The following PHACTR2 variants were observed in gnomAD, a reference collection of about 807,000 sequenced individuals.
PHACTR2 encodes chromosome 6 open reading frame 56.
PHACTR2 carries 30 observed loss-of-function variants against 76.0 expected under a neutral mutation model. The observed-to-expected ratio is 0.39, with a 90% CI of 0.30 to 0.54. PHACTR2 has a LOEUF of 0.54. Ranked by LOEUF, PHACTR2 falls within the 20% of genes least tolerant of loss-of-function variation. PHACTR2 has a pLI of 0.61. For synonymous variants in PHACTR2, 292 were observed against 292.5 expected (o/e 1.00, Z 0.02); for missense variants, 696 against 781.1 (o/e 0.89, Z 1.30).
Position 143,777,400 on chromosome 6 carries a change from A to G in PHACTR2, c.1645+17A>G, listed in dbSNP as rs771512567. 2 of 1,437,902 alleles carry G rather than the reference A, an allele frequency of 1.4e-6. No individual in the cohort carries two copies. Among genetic ancestry groups the G allele is most frequent in the African/African-American group, 1.4e-5 (1 of 70,702 alleles). 89.1% of individuals were successfully genotyped at this position (1,437,902 alleles called of 1,614,324 possible). A position where few individuals can be genotyped will look rare whatever the true frequency, so the allele number is the denominator to read the frequency against. On this transcript the variant is annotated intron_variant, in intron 9 of 12. Coordinates refer to ENST00000440869, the MANE Select transcript of PHACTR2 (RefSeq NM_001100164.2). This position sits in a 1 kb window ranked among gnomAD's most constrained non-coding sequence, Gnocchi z 4.6. Reference sequence around the variant, plus strand: ...TCCTAAAACGTGAGTATTCTATACTATAGAATGATTCCTTGTGTAATCGCT... The same window carrying G: ...TCCTAAAACGTGAGTATTCTATACTGTAGAATGATTCCTTGTGTAATCGCT...
At chr6:143,601,761 G>A (rs1318458665) in intron 1 of PHACTR2, among the ~76,000 whole-genome samples, 1 of 152,150 alleles carries the variant, frequency 6.6e-6, no homozygotes, top group African/African-American at 2.4e-5. Flanking sequence ...CATTGTTACT[G>A]TAAGAGAAAT....
At chr6:143,686,481 C>CTTTTTTTTTT (rs71024870) in intron 1 of PHACTR2, among the ~76,000 whole-genome samples, 23 of 83,984 alleles carry the variant, frequency 2.7e-4, no homozygotes, top group East Asian at 8.3e-4. Flanking sequence ...GAACTTCATT[C>CTTTTTTTTTT]TTTTTTTTTT....
At position 143,822,663 on chromosome 6, in the gene PHACTR2, C is replaced by T. The variant is rs962452549; in HGVS notation, c.1923-1011C>T. 2.0e-5 allele frequency among the ~76,000 whole-genome samples: 3 copies of T among 152,010 alleles called. No homozygotes were observed. The highest frequency in any genetic ancestry group is 6.6e-5 in the Admixed American group (1 of 15,264). On this transcript the variant is annotated intron_variant, in intron 12 of 12. Coordinates refer to ENST00000440869, the MANE Select transcript of PHACTR2 (RefSeq NM_001100164.2). The surrounding 1 kb of genome is among the most constrained non-coding windows in gnomAD (Gnocchi z 5.5). Reference sequence around the variant, plus strand: ...TGGCTGACCAGAGCAGATGAGCATTCGACTGTAGAAGACAGAGTGAAATGC... The same window carrying T: ...TGGCTGACCAGAGCAGATGAGCATTTGACTGTAGAAGACAGAGTGAAATGC...
rs764434564 is a variant in PHACTR2 at position 143,570,864 on chromosome 6, C to G, written c.217+33657C>G. Among the ~76,000 whole-genome samples the G allele has an allele frequency of 2.6e-5, 4 of 152,130 alleles. No homozygotes were observed. Among genetic ancestry groups the G allele is most frequent in the Non-Finnish European group, 5.9e-5 (4 of 68,016 alleles). On this transcript the variant is annotated intron_variant, in intron 1 of 11. Coordinates refer to the PHACTR2 transcript ENST00000367584. This position sits in a 1 kb window ranked among gnomAD's most constrained non-coding sequence, Gnocchi z 4.6. ...GGACTCCTCCTCTTCTTCCAAAATT[C>G]AGGCTGAAGACAATTGCCCTGATTC...
intron 2 of PHACTR2, among the ~76,000 whole-genome samples, chr6:143,724,619 G>A (rs1048357895): frequency 3.9e-5 from 6 of 152,172 alleles, no homozygotes; most frequent in Non-Finnish European, 8.8e-5. Flanking sequence ...CACAGTCCCA[G>A]ACCATGGGGT....
At position 143,829,842 on chromosome 6, in the gene PHACTR2, A is replaced by G. The variant is rs1776624424; in HGVS notation, c.*6153A>G. 6.6e-6 allele frequency: 1 copy of G among 152,232 alleles called. No individual in the cohort carries two copies. Among genetic ancestry groups the G allele is most frequent in the Non-Finnish European group, 1.5e-5 (1 of 68,044 alleles). 9.4% of individuals were successfully genotyped at this position (152,232 alleles called of 1,614,324 possible). ...GTAAGCTTTTAGATGGTGCTTAAGA[A>G]TTCTTATCTTTTTAAATAGCAGTAT... On this transcript the variant is annotated 3_prime_UTR_variant, in exon 13 of 13. Coordinates refer to ENST00000440869, the MANE Select transcript of PHACTR2 (RefSeq NM_001100164.2).
At chr6:143,788,937 GATTGT>G in intron 11 of PHACTR2, 27 bp downstream of exon 11, 3 of 1,591,362 alleles carry the variant, frequency 1.9e-6, no homozygotes, top group Non-Finnish European at 1.7e-6. Context: ...ATTTTGTGTT[GATTGT>G]ATTGCTTTTC....
chr6:143,593,821 C>T (rs1263965131), intron 1 of PHACTR2, among the ~76,000 whole-genome samples: 1 of 152,162 alleles, frequency 6.6e-6, no homozygotes, highest in East Asian at 1.9e-4. Context: ...TCTATGTTAT[C>T]TCACTTCAAA....
At chr6:143,745,068 G>A (rs1008004120) in intron 2 of PHACTR2, among the ~76,000 whole-genome samples, 30 of 152,170 alleles carry the variant, frequency 2.0e-4, no homozygotes, top group Admixed American at 4.6e-4. Context: ...ATTCAGCTAC[G>A]ACATTCAGCG....
In PHACTR2 at chr6:143,539,321, C is replaced by T. The variant is rs1160872910; in HGVS notation, c.217+2114C>T. Among the ~76,000 whole-genome samples the T allele has an allele frequency of 6.6e-6, 1 of 152,208 alleles. No individual in the cohort carries two copies. The highest frequency in any genetic ancestry group is 1.5e-5 in the Non-Finnish European group (1 of 68,040). On this transcript the variant is annotated intron_variant, in intron 1 of 11. Coordinates refer to the PHACTR2 transcript ENST00000367584. This position sits in a 1 kb window ranked among gnomAD's most constrained non-coding sequence, Gnocchi z 4.3. ...CAGATGTAGAAGAGTGAACATCTTT[C>T]ATGTACCTGATTTCATTTTCAGAAC...
chr6:143,569,572 A>G (rs9386036), intron 1 of PHACTR2, among the ~76,000 whole-genome samples: 93,276 of 152,034 alleles, frequency 0.61, 28,950 homozygotes, highest in Middle Eastern at 0.73. Flanking sequence ...ATTTTGATGT[A>G]TTTATATTAT....
chr6:143,765,918 G>T lies in PHACTR2; in HGVS notation c.1232+120G>T. ...AATTTAATCTACTGAGTGTTAGGTA[G>T]GCATACATGTGATCCAACCATTGCT... On this transcript the variant is annotated intron_variant, in intron 6 of 12. Transcript: ENST00000440869. The surrounding 1 kb of genome is among the most constrained non-coding windows in gnomAD (Gnocchi z 4.1). The T allele has an allele frequency of 2.5e-6, 2 of 812,646 alleles. No individual in the cohort carries two copies. Among genetic ancestry groups the T allele is most frequent in the South Asian group, 3.6e-5 (2 of 55,326 alleles). The allele number at this position is 812,646 out of a possible 1,614,324, so 50.3% of individuals were successfully genotyped here.
intron 4 of PHACTR2, among the ~76,000 whole-genome samples, chr6:143,756,651 A>C (rs1033833973): frequency 2.0e-5 from 3 of 150,802 alleles, no homozygotes; most frequent in Non-Finnish European, 3.0e-5. Context: ...GTGAGCCGAG[A>C]TCGCACCACT....
In PHACTR2 at chr6:143,625,182, A is replaced by T. The variant is rs1776233898; in HGVS notation, c.13+16860A>T. On this transcript the variant is annotated intron_variant, in intron 1 of 11. Coordinates refer to the PHACTR2 transcript ENST00000305766. The surrounding 1 kb of genome is among the most constrained non-coding windows in gnomAD (Gnocchi z 4.3). ...ATCTCAAAAAAAAAAAGTATAGTCAAGGAATATGGTGTTATGAATATTTGC... is the reference window on the plus strand; with the variant it reads ...ATCTCAAAAAAAAAAAGTATAGTCATGGAATATGGTGTTATGAATATTTGC... Among the ~76,000 whole-genome samples the T allele has an allele frequency of 6.6e-6, 1 of 152,080 alleles. No individual in the cohort carries two copies. The highest frequency in any genetic ancestry group is 1.5e-5 in the Non-Finnish European group (1 of 68,020).
chr6:143,806,433 A>G lies in PHACTR2; in HGVS notation c.1846-624A>G, dbSNP rs1776066109. 6.6e-6 allele frequency among the ~76,000 whole-genome samples: 1 copy of G among 152,164 alleles called. No individual in the cohort carries two copies. Among genetic ancestry groups the G allele is most frequent in the Non-Finnish European group, 1.5e-5 (1 of 68,028 alleles). On this transcript the variant is annotated intron_variant, in intron 11 of 12. Transcript: ENST00000440869. The surrounding 1 kb of genome is among the most constrained non-coding windows in gnomAD (Gnocchi z 5.8). ...GCCATGTTGTTGTAGGCAATATTCT[A>G]TGTAGAACTTTCCATAGGAAAATGG... is the stretch of plus-strand genomic sequence containing the variant.
At chr6:143,584,670 T>C (rs1775606972) in intron 1 of PHACTR2, among the ~76,000 whole-genome samples, 1 of 152,128 alleles carries the variant, frequency 6.6e-6, no homozygotes, top group South Asian at 2.1e-4. Flanking sequence ...AATGAGCAAA[T>C]GTGTATTGTC....
chr6:143,563,134 A>G (rs1342830169), intron 1 of PHACTR2, among the ~76,000 whole-genome samples: 1 of 152,226 alleles, frequency 6.6e-6, no homozygotes, highest in African/African-American at 2.4e-5. Context: ...TTTTACCACA[A>G]TTCTTTTTTT....
At chr6:143,713,069 AT>A (rs1778217378) in intron 2 of PHACTR2, among the ~76,000 whole-genome samples, 1 of 152,196 alleles carries the variant, frequency 6.6e-6, no homozygotes, top group South Asian at 2.1e-4. Context: ...CCACAGTCTA[AT>A]ATTGTTAGTG....
Position 143,784,036 on chromosome 6 carries a change from GA to G in PHACTR2, c.1707+767del, listed in dbSNP as rs57666805. Among the ~76,000 whole-genome samples, 1,065 of 144,400 alleles carry G rather than the reference GA, an allele frequency of 7.4e-3. 6 individuals carry two copies. Among genetic ancestry groups the G allele is most frequent in the Middle Eastern group, 0.011 (3 of 272 alleles). The allele number at this position is 144,400 out of a possible 152,430, so 94.7% of individuals were successfully genotyped here. A position where few individuals can be genotyped will look rare whatever the true frequency, so the allele number is the denominator to read the frequency against. On this transcript the variant is annotated intron_variant, in intron 10 of 12. Transcript: ENST00000440869. This position sits in a 1 kb window ranked among gnomAD's most constrained non-coding sequence, Gnocchi z 4.5. ...ATTAATCTCGCTTGATTAGAACAAT[GA>G]AAAAAAAAAAGAAAAAAAGAAGTGA...
Sources: gnomAD v4.1 joint callset for allele counts (sites outside exome capture counted in the v4.1 genomes callset) on GRCh38, gnomAD v4.1.1 for gene constraint, Gnocchi (gnomAD v3.1) non-coding constraint, MANE v1.5 for transcripts, NCBI Gene and HGNC (gene_info 2026-07-23, HGNC 2026-07-21) for gene names.